PTGER3: variants seen among roughly 807,000 people sequenced by gnomAD.
The protein encoded by PTGER3 is prostaglandin E receptor 3, also known as prostaglandin E2 receptor EP3 subtype.
A neutral mutation model predicts 34.7 loss-of-function variants in PTGER3; 22 were observed. The observed-to-expected ratio is 0.63, with a 90% CI of 0.45 to 0.91. The LOEUF (loss-of-function observed/expected upper bound fraction) is 0.91. Among genes scored for constraint, PTGER3 ranks in the 40% least tolerant of loss-of-function variants. The probability of loss-of-function intolerance (pLI) is 0.00; values close to 1 mark genes in which losing one functional copy is unlikely to be tolerated. For synonymous variants in PTGER3, 241 were observed against 230.1 expected, an observed-to-expected ratio of 1.05 and a Z score of -0.43; for missense variants, 468 against 519.4, an observed-to-expected ratio of 0.90 and a Z score of 0.96.
At chr1:70,941,915 C>A (rs550877348) in intron 4 of PTGER3, among the ~76,000 whole-genome samples, 1 of 152,056 alleles carries the variant, frequency 6.6e-6, no homozygotes, top group Non-Finnish European at 1.5e-5. Flanking sequence ...TAATCACGAC[C>A]GTCCTCCTTA....
exon 5 of PTGER3, chr1:70,852,697 AAC>A: frequency 1.0e-6 from 1 of 977,096 alleles, no homozygotes; most frequent in Non-Finnish European, 1.6e-6. Context: ...GCTTCTGGAT[AAC>A]AGTTATATTT....
At chr1:70,927,200 T>G (rs1162651225) in intron 4 of PTGER3, among the ~76,000 whole-genome samples, 2 of 152,196 alleles carry the variant, frequency 1.3e-5, no homozygotes, top group African/African-American at 4.8e-5. Context: ...CCTCATAAAA[T>G]GAGTTAAGGA....
intron 2 of PTGER3, among the ~76,000 whole-genome samples, chr1:70,983,838 A>G (rs922513055): frequency 3.9e-5 from 6 of 152,118 alleles, no homozygotes; most frequent in Non-Finnish European, 7.4e-5. Flanking sequence ...GAATTTGGTC[A>G]GTTTGTTCCA....
chr1:70,875,966 T>C (rs1315250676), intron 4 of PTGER3, among the ~76,000 whole-genome samples: 2 of 152,224 alleles, frequency 1.3e-5, no homozygotes, highest in Non-Finnish European at 1.5e-5. Flanking sequence ...ATAATGGGAT[T>C]GCTGGGTTGA....
chr1:71,046,061 A>G (rs1163697569), intron 1 of PTGER3, among the ~76,000 whole-genome samples: 2 of 151,266 alleles, frequency 1.3e-5, no homozygotes, highest in African/African-American at 4.9e-5. Flanking sequence ...TGGGAGGCCG[A>G]GGCGGGTGGA....
intron 2 of PTGER3, among the ~76,000 whole-genome samples, chr1:70,988,818 T>C (rs1419963074): frequency 6.6e-6 from 1 of 152,146 alleles, no homozygotes; most frequent in Non-Finnish European, 1.5e-5. Context: ...CCAGAATAAA[T>C]TCTGAGCAGT....
chr1:70,882,370 G>T (rs2100599192), intron 4 of PTGER3, among the ~76,000 whole-genome samples: 1 of 152,304 alleles, frequency 6.6e-6, no homozygotes, highest in Admixed American at 6.5e-5. Flanking sequence ...GTGGGGATGG[G>T]TGAGATCACT....
downstream of PTGER3, chr1:70,951,070 A>T (rs946948127): frequency 2.6e-5 from 4 of 152,168 alleles, no homozygotes; most frequent in Non-Finnish European, 4.4e-5. Flanking sequence ...ACTATTAATC[A>T]GTTTAATTTT....
intron 2 of PTGER3, chr1:71,010,863 C>A: frequency 2.0e-6 from 2 of 984,834 alleles, no homozygotes; most frequent in Non-Finnish European, 2.4e-6. Context: ...CATATTGTAC[C>A]TATCAAAATT....
At chr1:70,929,713 A>G (rs1572678520) in intron 4 of PTGER3, among the ~76,000 whole-genome samples, 1 of 152,234 alleles carries the variant, frequency 6.6e-6, no homozygotes. Context: ...GAAATAAACA[A>G]TAGTTTTAAC....
chr1:70,925,805 T>G (rs1648020242), intron 4 of PTGER3, among the ~76,000 whole-genome samples: 1 of 152,130 alleles, frequency 6.6e-6, no homozygotes, highest in Non-Finnish European at 1.5e-5. Flanking sequence ...ATGAAACAGT[T>G]CTGGCAATGT....
At chr1:70,865,581 C>T (rs1646023643) in intron 4 of PTGER3, 2 of 1,223,748 alleles carry the variant, frequency 1.6e-6, no homozygotes, top group South Asian at 1.3e-5. Flanking sequence ...ATAGGTGGGA[C>T]AACAGAGATG....
chr1:70,990,407 CATATT>C (rs991794809), intron 2 of PTGER3, among the ~76,000 whole-genome samples: 6 of 144,178 alleles, frequency 4.2e-5, no homozygotes, highest in African/African-American at 1.5e-4. Context: ...ATATAAAATA[CATATT>C]ATATCTATTA....
At chr1:71,032,159 T>A (rs922787561) in intron 1 of PTGER3, among the ~76,000 whole-genome samples, 1 of 152,184 alleles carries the variant, frequency 6.6e-6, no homozygotes, top group Non-Finnish European at 1.5e-5. Context: ...AAGAAAGAAC[T>A]TCTTTTTTCT....
intron 4 of PTGER3, among the ~76,000 whole-genome samples, chr1:70,890,893 T>C (rs977153084): frequency 1.8e-4 from 27 of 152,202 alleles, no homozygotes; most frequent in African/African-American, 6.3e-4. Context: ...AACCCAGTTA[T>C]ATATTTATAG....
chr1:71,023,507 T>C lies in PTGER3; in HGVS notation c.898-11023A>G, dbSNP rs1658611307. 2.0e-5 allele frequency among the ~76,000 whole-genome samples: 3 copies of C among 151,940 alleles called. No homozygotes were observed. In the South Asian group the frequency reaches 6.2e-4, roughly 31 times the overall value. Reference sequence around the variant, plus strand: ...CATCTCAATGGCTTCAAACCCCATTTATGTGCTATAGGCCATACCTTTTCT... The same window carrying C: ...CATCTCAATGGCTTCAAACCCCATTCATGTGCTATAGGCCATACCTTTTCT... On this transcript the variant is annotated intron_variant, in intron 1 of 3. Transcript: ENST00000306666.
At chr1:71,046,156 G>A (rs1421950878) in intron 1 of PTGER3, among the ~76,000 whole-genome samples, 2 of 151,438 alleles carry the variant, frequency 1.3e-5, no homozygotes, top group African/African-American at 4.9e-5. Context: ...GTGGTGGCGG[G>A]CGCCTGTAGT....
chr1:70,929,521 T>C (rs1245260585), intron 4 of PTGER3, among the ~76,000 whole-genome samples: 2 of 152,176 alleles, frequency 1.3e-5, no homozygotes, highest in African/African-American at 4.8e-5. Flanking sequence ...AAATACTTTG[T>C]AATACACAGC....
At chr1:70,970,013 A>C (rs1652920099), downstream of PTGER3, among the ~76,000 whole-genome samples, 1 of 141,708 alleles carries the variant, frequency 7.1e-6, no homozygotes. Context: ...GCACAGCCAG[A>C]TTTAAATCCA....
Sources: allele counts gnomAD v4.1 joint callset (sites outside exome capture counted in the v4.1 genomes callset), GRCh38; gene constraint gnomAD v4.1.1; transcripts MANE v1.5; gene names NCBI Gene and HGNC (gene_info 2026-07-23, HGNC 2026-07-21).